Variants in TP63 observed in about 807,000 individuals in gnomAD.
TP63 encodes tumor protein 63.
Under a neutral mutation model 82.8 loss-of-function variants are expected in TP63, and 17 were observed. The ratio of observed to expected loss-of-function variants is 0.21; its 90% CI spans 0.14 to 0.31. The LOEUF (loss-of-function observed/expected upper bound fraction) is 0.31. TP63 is among the 10% of genes least tolerant of loss of function. The pLI is 1.00. For missense variants in TP63, 648 were observed against 895.3 expected (o/e 0.72, Z 3.52); for synonymous variants, 330 against 321.7 (o/e 1.03, Z -0.28).
At chr3:189,600,105 A>C in the TP63 span, among the ~76,000 whole-genome samples, 1 of 152,224 alleles carries the variant, frequency 6.6e-6, no homozygotes, top group Non-Finnish European at 1.5e-5. Flanking sequence ...TAATTAAACC[A>C]ATAATTTACT....
rs1272768989 is a variant in TP63 at position 189,896,453 on chromosome 3, A to AT, written c.*1958dup. On this transcript the variant is annotated 3_prime_UTR_variant, in exon 14 of 14. Coordinates refer to ENST00000264731, the MANE Select transcript of TP63 (RefSeq NM_003722.5). ...AGGGAAGGGAAAGTTTTTTTTTATT[A>AT]TTTTTTTAAAATTTTGTATGTTAAA... The AT allele has an allele frequency of 4.5e-5, 9 of 199,096 alleles. No individual in the cohort carries two copies. Among genetic ancestry groups the AT allele is most frequent in the South Asian group, 1.9e-4 (1 of 5,190 alleles). The allele number at this position is 199,096 out of a possible 1,614,324, so 12.3% of individuals were successfully genotyped here.
rs61732782 is a variant in TP63 at position 189,864,330 on chromosome 3, C to T, written c.678C>T (p.Arg226=). 4.6e-4 allele frequency: 744 copies of T among 1,614,022 alleles called. 1 individual carries two copies. The highest frequency in any genetic ancestry group is 5.8e-4 in the Non-Finnish European group (685 of 1,180,034). Residue 226 remains arginine (R), a synonymous_variant, in exon 5 of 14, where the codon CGC becomes CGT. Coordinates refer to ENST00000264731, the MANE Select transcript of TP63 (RefSeq NM_003722.5). ...MTPPPQGAVI[R]AMPVYKKAEH... ...CACCTCCTCAGGGAGCTGTTATCCG[C>T]GCCATGCCTGTCTACAAAAAAGCTG...
chr3:189,737,628 C>T, intron 1 of TP63, 112 bp from the exon 2 acceptor site: 1 of 1,319,160 alleles, frequency 7.6e-7, no homozygotes, highest in South Asian at 1.2e-5. Flanking sequence ...TATATACCTG[C>T]ATGGTTTTAT....
At chr3:189,751,785 A>G (rs1052146687) in intron 3 of TP63, among the ~76,000 whole-genome samples, 7 of 152,020 alleles carry the variant, frequency 4.6e-5, no homozygotes, top group African/African-American at 1.7e-4. Flanking sequence ...GTTCTCTCTG[A>G]TGATAGTTTC....
At chr3:189,855,734 G>T (rs1716212139) in intron 4 of TP63, among the ~76,000 whole-genome samples, 1 of 152,004 alleles carries the variant, frequency 6.6e-6, no homozygotes. Flanking sequence ...ATGTGTGTGT[G>T]TATGCACAGA....
chr3:189,656,851 A>G (rs1204267546), intron 1 of TP63, among the ~76,000 whole-genome samples: 2 of 152,094 alleles, frequency 1.3e-5, no homozygotes, highest in African/African-American at 4.8e-5. Context: ...AAACAGAAAG[A>G]AGTGAAGGGG....
chr3:189,814,737 G>A (rs1470562022), intron 4 of TP63, among the ~76,000 whole-genome samples: 1 of 152,194 alleles, frequency 6.6e-6, no homozygotes, highest in African/African-American at 2.4e-5. Flanking sequence ...CCGAAGAGTT[G>A]TTCCCTCATC....
In TP63 at chr3:189,858,163, TGGGAGGCCGAGGCGGGCGGA is replaced by T. The variant is rs1354903779; in HGVS notation, c.580-6068_580-6049del. ...GCTCACGCCTGTAATCCCAGCACTT[TGGGAGGCCGAGGCGGGCGGA>T]TCACGAGGTCAGGAGATCGAGACCA... On this transcript the variant is annotated intron_variant, in intron 4 of 13. Coordinates refer to ENST00000264731, the MANE Select transcript of TP63 (RefSeq NM_003722.5). Among the ~76,000 whole-genome samples, 118 of 14,650 alleles carry T rather than the reference TGGGAGGCCGAGGCGGGCGGA, an allele frequency of 8.1e-3. 40 individuals are homozygous for T. Among genetic ancestry groups the T allele is most frequent in the African/African-American group, 0.025 (49 of 2,000 alleles). The allele number at this position is 14,650 out of a possible 152,430, so 9.6% of individuals were successfully genotyped here. A position where few individuals can be genotyped will look rare whatever the true frequency, so the allele number is the denominator to read the frequency against.
chr3:189,885,533 T>C (rs1307935652), intron 10 of TP63, among the ~76,000 whole-genome samples: 1 of 152,238 alleles, frequency 6.6e-6, no homozygotes, highest in Non-Finnish European at 1.5e-5. Flanking sequence ...ATCTCTGACT[T>C]TGTGACTCTC....
intron 4 of TP63, among the ~76,000 whole-genome samples, chr3:189,846,207 T>A (rs958520132): frequency 1.3e-5 from 2 of 152,166 alleles, no homozygotes; most frequent in Non-Finnish European, 2.9e-5. Context: ...AGTTGTTTTA[T>A]TTGAACATGA....
At chr3:189,839,808 T>G (rs983983481) in intron 4 of TP63, among the ~76,000 whole-genome samples, 2 of 152,186 alleles carry the variant, frequency 1.3e-5, no homozygotes, top group Non-Finnish European at 2.9e-5. Flanking sequence ...GGCAGTAGTA[T>G]TATCTCAGCC....
At chr3:189,747,674 A>G (rs947105748) in intron 3 of TP63, among the ~76,000 whole-genome samples, 1 of 152,118 alleles carries the variant, frequency 6.6e-6, no homozygotes, top group African/African-American at 2.4e-5. Flanking sequence ...ACCTTAAGGA[A>G]ATGGAAACAC....
chr3:189,835,864 A>G (rs1713060026), intron 4 of TP63, among the ~76,000 whole-genome samples: 1 of 151,650 alleles, frequency 6.6e-6, no homozygotes, highest in South Asian at 2.1e-4. Flanking sequence ...CAGTGAGCCA[A>G]GATCGTGCCA....
At chr3:189,629,353 A>G (rs1026206129), upstream of TP63, among the ~76,000 whole-genome samples, 3 of 152,146 alleles carry the variant, frequency 2.0e-5, no homozygotes, top group Non-Finnish European at 4.4e-5. Context: ...TGCTACACTC[A>G]GTCTGGGTGA....
chr3:189,881,579 A>C (rs1006185202), intron 10 of TP63: 9 of 929,308 alleles, frequency 9.7e-6, no homozygotes, highest in Non-Finnish European at 1.2e-5. Flanking sequence ...TTGAAGTAGC[A>C]TGTGTAGGTC....
chr3:189,728,766 T>C (rs1446625569), intron 1 of TP63, among the ~76,000 whole-genome samples: 1 of 152,132 alleles, frequency 6.6e-6, no homozygotes, highest in Non-Finnish European at 1.5e-5. Flanking sequence ...TGCCAGATAC[T>C]TATAAAACCA....
At chr3:189,639,594 C>T (rs1471383766) in intron 1 of TP63, among the ~76,000 whole-genome samples, 1 of 152,008 alleles carries the variant, frequency 6.6e-6, no homozygotes, top group African/African-American at 2.4e-5. Context: ...ATGAGTAAAC[C>T]TAATCTGTTA....
the TP63 span, among the ~76,000 whole-genome samples, chr3:189,623,062 G>A: frequency 5.3e-5 from 8 of 152,134 alleles, no homozygotes; most frequent in Non-Finnish European, 1.0e-4. Flanking sequence ...TCTTTTGTGA[G>A]CTGTGTTCCC....
chr3:189,778,555 A>C (rs988647291), intron 3 of TP63, among the ~76,000 whole-genome samples: 19 of 152,350 alleles, frequency 1.2e-4, no homozygotes, highest in Non-Finnish European at 2.9e-5. Context: ...AGGATTGTGC[A>C]TGAGTTTTAA....
Sources: gnomAD v4.1 joint callset for allele counts (sites outside exome capture counted in the v4.1 genomes callset) on GRCh38, gnomAD v4.1.1 for gene constraint, MANE v1.5 for transcripts, NCBI Gene and HGNC (gene_info 2026-07-23, HGNC 2026-07-21) for gene names.